The following SLC9A7 variants were observed in gnomAD, a reference collection of about 807,000 sequenced individuals.
SLC9A7 encodes solute carrier family 9 member A7, also known as sodium/hydrogen exchanger 7.
A neutral mutation model predicts 52.6 loss-of-function variants in SLC9A7; 19 were observed. The observed-to-expected ratio is 0.36, with a 90% CI of 0.25 to 0.53. SLC9A7 has a LOEUF of 0.53. SLC9A7 is among the 20% of genes least tolerant of loss of function. The pLI, the probability that SLC9A7 is intolerant of heterozygous loss-of-function variation, is 0.91. For missense variants in SLC9A7, 455 were observed against 597.9 expected (o/e 0.76, Z 2.49); for synonymous variants, 226 against 252.1 (o/e 0.90, Z 0.98).
At chrX:46,728,257 A>G (rs988913848) in intron 1 of SLC9A7, among the ~76,000 whole-genome samples, 44 of 111,898 alleles carry the variant, frequency 3.9e-4, no homozygotes, top group African/African-American at 1.3e-3. Context: ...ATTGCATACT[A>G]CTTATCTGAC....
intron 1 of SLC9A7, among the ~76,000 whole-genome samples, chrX:46,704,609 G>A (rs1211886529): frequency 1.8e-5 from 2 of 111,963 alleles, no homozygotes; most frequent in Non-Finnish European, 3.8e-5. Flanking sequence ...ATTATATACT[G>A]GTTTTAATTC....
intron 1 of SLC9A7, among the ~76,000 whole-genome samples, chrX:46,698,024 G>A (rs1001048389): frequency 9.0e-6 from 1 of 111,178 alleles, no homozygotes; most frequent in South Asian, 3.8e-4. Flanking sequence ...GGAAATTCCC[G>A]CCTAACAAAT....
chrX:46,679,923 T>C, intron 2 of SLC9A7, among the ~76,000 whole-genome samples, 168 bp from the exon 3 acceptor site: 1 of 112,544 alleles, frequency 8.9e-6, no homozygotes, highest in East Asian at 2.8e-4. Context: ...TGACTCCCCA[T>C]GGACTGGCAT....
intron 11 of SLC9A7, among the ~76,000 whole-genome samples, chrX:46,643,713 G>C (rs2146757841): frequency 8.9e-6 from 1 of 112,051 alleles, no homozygotes; most frequent in African/African-American, 3.2e-5. Context: ...AGCTAAAACT[G>C]TGATCCCAAC....
intron 5 of SLC9A7, among the ~76,000 whole-genome samples, chrX:46,664,358 T>C (rs1425263839): frequency 9.0e-6 from 1 of 111,665 alleles, no homozygotes; most frequent in Non-Finnish European, 1.9e-5. Context: ...TTTTTATGAT[T>C]GTAGTGGAAG....
At chrX:46,747,905 G>A (rs1285494665) in intron 1 of SLC9A7, among the ~76,000 whole-genome samples, 3 of 111,942 alleles carry the variant, frequency 2.7e-5, no homozygotes, top group African/African-American at 6.5e-5. Flanking sequence ...TGAAGAGGAT[G>A]TGGACAAATT....
chrX:46,636,108 G>C (rs1295003295), intron 12 of SLC9A7, among the ~76,000 whole-genome samples: 3 of 111,745 alleles, frequency 2.7e-5, no homozygotes, highest in Non-Finnish European at 5.6e-5. Flanking sequence ...TTGAAAAACA[G>C]CAACAATACT....
At chrX:46,748,420 GACA>G (rs1569526643) in intron 1 of SLC9A7, among the ~76,000 whole-genome samples, 4 of 105,003 alleles carry the variant, frequency 3.8e-5, no homozygotes, top group Non-Finnish European at 6.0e-5. Context: ...AGGAAGGACA[GACA>G]GAAGGAAGGA....
chrX:46,697,050 G>A (rs1423772763), intron 1 of SLC9A7, among the ~76,000 whole-genome samples: 1 of 111,752 alleles, frequency 8.9e-6, no homozygotes, highest in Non-Finnish European at 1.9e-5. Context: ...CGTGTCGATG[G>A]AGTGACTGTG....
intron 1 of SLC9A7, among the ~76,000 whole-genome samples, chrX:46,687,156 C>T (rs1316039917): frequency 8.9e-6 from 1 of 112,107 alleles, no homozygotes; most frequent in Non-Finnish European, 1.9e-5. Context: ...AACAAGTGGA[C>T]ATGGTGAGGT....
chrX:46,644,237 A>G (rs141364497), intron 11 of SLC9A7, among the ~76,000 whole-genome samples: 1,678 of 112,358 alleles, frequency 0.015, 20 homozygotes, highest in South Asian at 0.063. Flanking sequence ...CCTGATCTGC[A>G]TTAATGGATT....
chrX:46,649,854 C>A (rs1166840524), intron 10 of SLC9A7, among the ~76,000 whole-genome samples: 1 of 112,779 alleles, frequency 8.9e-6, no homozygotes, highest in Non-Finnish European at 1.9e-5. Context: ...CTGCAGAGGA[C>A]CCGGCTTGGC....
chrX:46,635,132 A>G (rs1943297953), intron 13 of SLC9A7, among the ~76,000 whole-genome samples: 3 of 112,318 alleles, frequency 2.7e-5, no homozygotes, highest in African/African-American at 9.7e-5. Flanking sequence ...TTGAAAAACT[A>G]TAATAGCAGT....
intron 5 of SLC9A7, 136 bp from the exon 6 acceptor site, chrX:46,662,779 C>T: frequency 4.4e-6 from 2 of 451,669 alleles, no homozygotes; most frequent in Middle Eastern, 5.7e-4. Context: ...CAAAGATAGA[C>T]TTATCTATCT....
At chrX:46,744,431 A>G (rs1478097489) in intron 1 of SLC9A7, among the ~76,000 whole-genome samples, 1 of 112,677 alleles carries the variant, frequency 8.9e-6, no homozygotes. Flanking sequence ...ACACTCAACA[A>G]AAGTAATCTG....
At chrX:46,654,735 T>A (rs1943642375) in intron 7 of SLC9A7, among the ~76,000 whole-genome samples, 1 of 110,922 alleles carries the variant, frequency 9.0e-6, no homozygotes, top group Non-Finnish European at 1.9e-5. Context: ...GTGTCACCTT[T>A]CGGGACCAGA....
At chrX:46,741,612 C>A (rs1921356104) in intron 1 of SLC9A7, among the ~76,000 whole-genome samples, 1 of 111,144 alleles carries the variant, frequency 9.0e-6, no homozygotes, top group Admixed American at 9.6e-5. Flanking sequence ...TAAAAAAACT[C>A]AACCTAAACC....
chrX:46,751,450 T>C (rs1556287919), intron 1 of SLC9A7, among the ~76,000 whole-genome samples: 2 of 111,497 alleles, frequency 1.8e-5, no homozygotes, highest in Admixed American at 9.7e-5. Context: ...TATTCTCTTG[T>C]ATGTTAAACA....
chrX:46,752,338 A>G (rs1462322907), intron 1 of SLC9A7, among the ~76,000 whole-genome samples: 3 of 111,628 alleles, frequency 2.7e-5, no homozygotes, highest in African/African-American at 9.8e-5. Flanking sequence ...ACATTCAAAT[A>G]TCCCTACCTA....
Sources: gnomAD v4.1 joint callset for allele counts (sites outside exome capture counted in the v4.1 genomes callset) on GRCh38, gnomAD v4.1.1 for gene constraint, MANE v1.5 for transcripts, NCBI Gene and HGNC (gene_info 2026-07-23, HGNC 2026-07-21) for gene names.